The following DRG1 variants were observed in gnomAD, a reference collection of about 807,000 sequenced individuals.
DRG1 encodes developmentally regulated GTP binding protein 1.
In DRG1, 19 loss-of-function variants were observed where a neutral mutation model predicts 38.8. That is an observed-to-expected ratio of 0.49 (90% confidence interval 0.34 to 0.72). The LOEUF (loss-of-function observed/expected upper bound fraction) is 0.72. Ranked by LOEUF, DRG1 falls within the 30% of genes least tolerant of loss-of-function variation. DRG1 has a pLI of 0.01. For synonymous variants in DRG1, 167 were observed against 157.5 expected (o/e 1.06, Z -0.45); for missense variants, 299 against 444.8 (o/e 0.67, Z 2.95).
Position 31,399,744 on chromosome 22 carries a change from G to T in DRG1, c.42+19G>T, listed in dbSNP as rs530513423. The T allele has an allele frequency of 9.3e-6, 15 of 1,613,944 alleles. No homozygotes were observed. The East Asian group carries it at 3.3e-4, about 36-fold the overall frequency. On this transcript the variant is annotated intron_variant, in intron 1 of 8. Coordinates refer to ENST00000331457, the MANE Select transcript of DRG1 (RefSeq NM_004147.4). ...AGCAGAGGTAATGGACGCAGCTGGC[G>T]GTTCACTCTTAGTCTGAGCATTCCT...
At chr22:31,418,375 T>A (rs538871952) in intron 4 of DRG1, among the ~76,000 whole-genome samples, 1 of 152,138 alleles carries the variant, frequency 6.6e-6, no homozygotes, top group South Asian at 2.1e-4. Context: ...GGATGATCAG[T>A]TGAGCCCAGG....
At chr22:31,420,119 T>C (rs1055412203) in intron 4 of DRG1, 137 bp from the exon 5 acceptor site, 5 of 880,670 alleles carry the variant, frequency 5.7e-6, no homozygotes, top group Non-Finnish European at 6.9e-6. Context: ...CTATAAGAAC[T>C]TCACGTATGC....
Position 31,420,370 on chromosome 22 carries a change from C to T in DRG1, c.527C>T (p.Pro176Leu). Residue 176 changes from proline (P) to leucine (L), a missense_variant, in exon 5 of 9, where the codon CCC becomes CTC. Transcript: ENST00000331457. The part of the protein sequence containing the change: ...EGFGIRLNSK[P>L]PNIGFKKKDK... The stretch of plus-strand genomic sequence containing the variant: ...TTTGGCATTCGCTTGAACAGCAAAC[C>T]CCCCAACATTGGCTTTAAGAAGAAG... The T allele has an allele frequency of 6.2e-7, 1 of 1,614,050 alleles. No individual in the cohort carries two copies. Among genetic ancestry groups the T allele is most frequent in the South Asian group, 1.1e-5 (1 of 91,074 alleles).
At position 31,410,423 on chromosome 22, in the gene DRG1, C is replaced by T. The variant is rs116131129; in HGVS notation, c.343-589C>T. Among the ~76,000 whole-genome samples the T allele has an allele frequency of 2.5e-3, 383 of 152,100 alleles. 1 individual carries two copies. The highest frequency in any genetic ancestry group is 9.0e-3 in the African/African-American group (373 of 41,486). On this transcript the variant is annotated intron_variant, in intron 3 of 8. Coordinates refer to ENST00000331457, the MANE Select transcript of DRG1 (RefSeq NM_004147.4). ...TGAGCAGAGGTGGCACCACTGCACTCCAGCTTGGGCGGCAGAGTGAGACTC... is the reference window on the plus strand; with the variant it reads ...TGAGCAGAGGTGGCACCACTGCACTTCAGCTTGGGCGGCAGAGTGAGACTC...
chr22:31,419,764 G>A (rs1448735442), intron 4 of DRG1, among the ~76,000 whole-genome samples: 1 of 152,052 alleles, frequency 6.6e-6, no homozygotes, highest in African/African-American at 2.4e-5. Flanking sequence ...CTAACCAAGG[G>A]TGGGCGCAGT....
At chr22:31,417,029 ACT>A (rs2145865070) in intron 4 of DRG1, among the ~76,000 whole-genome samples, 1 of 150,996 alleles carries the variant, frequency 6.6e-6, no homozygotes, top group Non-Finnish European at 1.5e-5. Context: ...ATGCCACTGC[ACT>A]GCAGCCTGGG....
At chr22:31,425,763 A>G (rs1200356690) in intron 6 of DRG1, among the ~76,000 whole-genome samples, 2 of 148,096 alleles carry the variant, frequency 1.4e-5, no homozygotes, top group Non-Finnish European at 2.9e-5. Context: ...TGAGACTTTA[A>G]TAAGTTAAGT....
rs1173622897 is a variant in DRG1, at chr22:31,403,210, T to A, written c.342+6T>A. 1 of 1,599,118 alleles carries A rather than the reference T, an allele frequency of 6.3e-7. No homozygotes were observed. Among genetic ancestry groups the A allele is most frequent in the Non-Finnish European group, 8.5e-7 (1 of 1,173,924 alleles). On this transcript the variant is annotated splice_donor_region_variant and intron_variant, in intron 3 of 8. Coordinates refer to ENST00000331457, the MANE Select transcript of DRG1 (RefSeq NM_004147.4). ...ACAAAGGTGCCAAGATCCAGGTGAG[T>A]CAAGCCTGCAGACTAAGGAAGGAAA...
intron 1 of DRG1, 25 bp downstream of exon 1, chr22:31,399,750 C>T (rs933642930): frequency 1.2e-6 from 2 of 1,613,974 alleles, no homozygotes; most frequent in Admixed American, 3.3e-5. Context: ...TGGCGGTTCA[C>T]TCTTAGTCTG....
At chr22:31,402,033 A>G (rs2049964285) in intron 2 of DRG1, among the ~76,000 whole-genome samples, 1 of 152,144 alleles carries the variant, frequency 6.6e-6, no homozygotes, top group Non-Finnish European at 1.5e-5. Context: ...CCTGGGTGAC[A>G]GAGCTAGACT....
intron 3 of DRG1, among the ~76,000 whole-genome samples, chr22:31,405,587 G>A (rs1232065806): frequency 3.3e-5 from 5 of 151,692 alleles, no homozygotes; most frequent in Admixed American, 1.3e-4. Flanking sequence ...TCATATTCCA[G>A]TTTTGAACAG....
chr22:31,410,355 T>G (rs985383287), intron 3 of DRG1, among the ~76,000 whole-genome samples: 1 of 151,622 alleles, frequency 6.6e-6, no homozygotes, highest in African/African-American at 2.4e-5. Context: ...CTCGGGAATT[T>G]GAGGCAGAAG....
Position 31,403,161 on chromosome 22 carries a change from C to A in DRG1, c.299C>A (p.Thr100Asn). 3 of 1,614,034 alleles carry A rather than the reference C, an allele frequency of 1.9e-6. No individual in the cohort carries two copies. Among genetic ancestry groups the A allele is most frequent in the Non-Finnish European group, 2.5e-6 (3 of 1,179,982 alleles). ...GCAGCCTATGAATTCACTACTCTGA[C>A]CACTGTGCCTGGTGTCATCAGATAC... ...EVAAYEFTTLTTVPGVIRYKG... is the reference protein window; with the variant it reads ...EVAAYEFTTLNTVPGVIRYKG... The change falls in exon 3 of 9, where the codon ACC becomes AAC. Residue 100 changes from threonine to asparagine, a missense_variant. Thr to Asn is a moderately conservative substitution (Grantham distance 65). This residue lies in a region of DRG1 where 50 missense variants were observed against 120.6 expected (regional missense o/e 0.41). Coordinates refer to ENST00000331457, the MANE Select transcript of DRG1 (RefSeq NM_004147.4).
chr22:31,407,403 A>G (rs949343131), intron 3 of DRG1, among the ~76,000 whole-genome samples: 2 of 152,084 alleles, frequency 1.3e-5, no homozygotes, highest in Admixed American at 6.6e-5. Flanking sequence ...GGGTACGATC[A>G]TGGCTCACTG....
intron 8 of DRG1, among the ~76,000 whole-genome samples, chr22:31,433,499 G>C (rs1392871821): frequency 1.3e-5 from 2 of 152,060 alleles, no homozygotes. Flanking sequence ...TTGAACGCCT[G>C]ATCTCAGGTG....
intron 8 of DRG1, among the ~76,000 whole-genome samples, 160 bp from the exon 9 acceptor site, chr22:31,433,712 A>G (rs2050155256): frequency 6.6e-6 from 1 of 152,186 alleles, no homozygotes; most frequent in South Asian, 2.1e-4. Context: ...TTTTATGTTA[A>G]GGCTTCAGTG....
rs776210701 is a variant in DRG1 at position 31,399,679 on chromosome 22, C to T, written c.-5C>T. On this transcript the variant is annotated 5_prime_UTR_variant, in exon 1 of 9. Transcript: ENST00000331457. Reference sequence around the variant, plus strand: ...CAGTGTGGAGGCCACAGGGTACTCGCCACGATGAGCAGCACCTTAGCTAAG... The same window carrying T: ...CAGTGTGGAGGCCACAGGGTACTCGTCACGATGAGCAGCACCTTAGCTAAG... 4.3e-6 allele frequency: 7 copies of T among 1,614,022 alleles called. No homozygotes were observed. In the Admixed American group the frequency reaches 1.0e-4, roughly 23 times the overall value.
rs1186210928 is a variant in DRG1 at position 31,400,394 on chromosome 22, G to A, written c.43-226G>A. On this transcript the variant is annotated intron_variant, in intron 1 of 8. Coordinates refer to ENST00000331457, the MANE Select transcript of DRG1 (RefSeq NM_004147.4). ...CCGCAGACGGGTTTCAGTCTAGTCT[G>A]GGGGCACTAATTGGAATGACCTTAA... Among the ~76,000 whole-genome samples the A allele has an allele frequency of 9.2e-5, 14 of 152,038 alleles. No individual in the cohort carries two copies. In the East Asian group the frequency reaches 2.3e-3, roughly 25 times the overall value.
Position 31,424,488 on chromosome 22 carries a change from C to CTTTTT in DRG1, c.713+1099_713+1103dup, listed in dbSNP as rs398036881. Among the ~76,000 whole-genome samples the CTTTTT allele has an allele frequency of 6.7e-3, 480 of 71,444 alleles. 1 individual carries two copies. Among genetic ancestry groups the CTTTTT allele is most frequent in the East Asian group, 9.9e-3 (20 of 2,028 alleles). 46.9% of individuals were successfully genotyped at this position (71,444 alleles called of 152,430 possible). A position where few individuals can be genotyped will look rare whatever the true frequency, so the allele number is the denominator to read the frequency against. ...TTAAATGATAGTGGGGCTTTGGTTTCTTTTTTTTTTTTTTTTTTTTTTTTT... is the reference window on the plus strand; with the variant it reads ...TTAAATGATAGTGGGGCTTTGGTTTCTTTTTTTTTTTTTTTTTTTTTTTTTTTTTT... On this transcript the variant is annotated intron_variant, in intron 6 of 8. Coordinates refer to ENST00000331457, the MANE Select transcript of DRG1 (RefSeq NM_004147.4).
Sources: allele counts gnomAD v4.1 joint callset (sites outside exome capture counted in the v4.1 genomes callset), GRCh38; gene constraint gnomAD v4.1.1; regional missense constraint gnomAD v4.1.1; transcripts MANE v1.5; gene names NCBI Gene and HGNC (gene_info 2026-07-23, HGNC 2026-07-21).